Variants in TAF2 observed in about 807,000 individuals in gnomAD.
TAF2 encodes the protein TATA-box binding protein associated factor 2, also known as transcription initiation factor TFIID subunit 2.
A neutral mutation model predicts 138.5 loss-of-function variants in TAF2; 61 were observed. The ratio of observed to expected loss-of-function variants is 0.44; its 90% CI spans 0.36 to 0.54. TAF2 has a LOEUF of 0.54. Ranked by LOEUF, TAF2 falls within the 20% of genes least tolerant of loss-of-function variation. The pLI, the probability that TAF2 is intolerant of heterozygous loss-of-function variation, is 0.00. For synonymous variants in TAF2, 475 were observed against 469.9 expected, an observed-to-expected ratio of 1.01 and a Z score of -0.14; for missense variants, 1,090 against 1,427.9, an observed-to-expected ratio of 0.76 and a Z score of 3.81.
chr8:119,747,687 T>C (rs947000324), intron 22 of TAF2, among the ~76,000 whole-genome samples: 25 of 152,218 alleles, frequency 1.6e-4, no homozygotes, highest in Non-Finnish European at 2.6e-4. Context: ...CCAGTAGATA[T>C]TGTCATCAAA....
chr8:119,821,726 T>G (rs1435786995), intron 2 of TAF2, among the ~76,000 whole-genome samples: 8 of 152,264 alleles, frequency 5.3e-5, no homozygotes, highest in Non-Finnish European at 1.2e-4. Context: ...ATGACATTAT[T>G]GGCCTATTAG....
At chr8:119,777,004 G>A (rs1822294278) in intron 18 of TAF2, among the ~76,000 whole-genome samples, 1 of 151,954 alleles carries the variant, frequency 6.6e-6, no homozygotes, top group Admixed American at 6.6e-5. Context: ...GGAAGGTTGT[G>A]TCTGTACTGA....
Position 119,806,339 on chromosome 8 carries a change from G to A in TAF2, c.362C>T (p.Ala121Val). ...AAAVSAVDPDAGNGELCIKVP... is the reference protein window; with the variant it reads ...AAAVSAVDPDVGNGELCIKVP... ...CTTAATGCAAAGTTCTCCATTTCCTGCATCAGGGTCCACAGCACTAACTGC... is the reference window on the plus strand; with the variant it reads ...CTTAATGCAAAGTTCTCCATTTCCTACATCAGGGTCCACAGCACTAACTGC... The change falls in exon 4 of 26, where the codon GCA (alanine) becomes GTA (valine). Residue 121 changes from alanine to valine, a missense_variant. Coordinates refer to ENST00000378164, the MANE Select transcript of TAF2 (RefSeq NM_003184.4). 1 of 1,613,910 alleles carries A rather than the reference G, an allele frequency of 6.2e-7. No individual in the cohort carries two copies. The highest frequency in any genetic ancestry group is 8.5e-7 in the Non-Finnish European group (1 of 1,180,002).
In TAF2 at chr8:119,756,117, T is replaced by TG; in HGVS notation, c.2769-3dup. On this transcript the variant is annotated splice_region_variant and splice_polypyrimidine_tract_variant and intron_variant, in intron 21 of 25. Transcript: ENST00000378164. ...GTCAACATGTTGAGAATCTTATGCCTGAAAGATTAAAAAAAATTAAATTTT... is the reference window on the plus strand; with the variant it reads ...GTCAACATGTTGAGAATCTTATGCCTGGAAAGATTAAAAAAAATTAAATTTT... The TG allele has an allele frequency of 6.2e-7, 1 of 1,610,830 alleles. No individual in the cohort carries two copies. The highest frequency in any genetic ancestry group is 8.5e-7 in the Non-Finnish European group (1 of 1,177,452).
chr8:119,737,219 G>A (rs1345550563), intron 25 of TAF2, among the ~76,000 whole-genome samples: 1 of 152,154 alleles, frequency 6.6e-6, no homozygotes, highest in African/African-American at 2.4e-5. Flanking sequence ...ACAGTGACTG[G>A]ATATTTAATG....
rs773883804 is a variant in TAF2, at chr8:119,758,056, A to T, written c.2768+17T>A. ...AGGACTTACAAAATATCATAGCATC[A>T]TAGCACATAAACTAACCTTACATAG... On this transcript the variant is annotated intron_variant, in intron 21 of 25. Coordinates refer to ENST00000378164, the MANE Select transcript of TAF2 (RefSeq NM_003184.4). The T allele has an allele frequency of 6.2e-7, 1 of 1,605,694 alleles. No homozygotes were observed. The highest frequency in any genetic ancestry group is 1.3e-5 in the African/African-American group (1 of 74,806).
At position 119,732,046 on chromosome 8, in the gene TAF2, T is replaced by G. The variant is rs755785500; in HGVS notation, c.3478A>C (p.Lys1160Gln). The change falls in exon 26 of 26, where the codon AAG (lysine) becomes CAG (glutamine). Residue 1160 changes from lysine to glutamine, a missense_variant. Physicochemically the swap from Lys to Gln is moderately conservative, Grantham distance 53. Around this residue, in one of 3 missense-constraint regions of TAF2, gnomAD observed 580 missense variants for 719.6 expected, o/e 0.81. Coordinates refer to ENST00000378164, the MANE Select transcript of TAF2 (RefSeq NM_003184.4). Reference protein sequence around the residue: ...HHHEHKKKKKKHKHKHKHKHK... With the variant: ...HHHEHKKKKKQHKHKHKHKHK... ...TTGTGTTTGTGCTTATGTTTATGCT[T>G]CTTCTTCTTTTTCTTGTGCTCATGG... 2.2e-5 allele frequency: 36 copies of G among 1,613,942 alleles called. No individual in the cohort carries two copies. Among genetic ancestry groups the G allele is most frequent in the Middle Eastern group, 1.6e-4 (1 of 6,082 alleles).
chr8:119,733,368 G>T (rs1270513236), intron 25 of TAF2, among the ~76,000 whole-genome samples: 1 of 152,060 alleles, frequency 6.6e-6, no homozygotes, highest in Non-Finnish European at 1.5e-5. Flanking sequence ...TCTCTACACA[G>T]ATGAGAGTAG....
At chr8:119,812,211 G>A (rs1387017433) in intron 3 of TAF2, among the ~76,000 whole-genome samples, 3 of 152,134 alleles carry the variant, frequency 2.0e-5, no homozygotes, top group African/African-American at 7.2e-5. Context: ...TAGGGTGTGA[G>A]TTATAGCATC....
intron 17 of TAF2, among the ~76,000 whole-genome samples, chr8:119,779,256 A>ACACACACG (rs1822474695): frequency 6.6e-6 from 1 of 150,806 alleles, no homozygotes; most frequent in South Asian, 2.1e-4. Context: ...TAAGACACAC[A>ACACACACG]CACACACACA....
intron 3 of TAF2, among the ~76,000 whole-genome samples, chr8:119,813,219 T>A (rs1200828560): frequency 6.6e-6 from 1 of 152,268 alleles, no homozygotes; most frequent in Non-Finnish European, 1.5e-5. Flanking sequence ...AATTTCTTTA[T>A]ATGTGTTGAC....
At chr8:119,785,676 A>T (rs920910383) in intron 14 of TAF2, among the ~76,000 whole-genome samples, 1 of 152,226 alleles carries the variant, frequency 6.6e-6, no homozygotes, top group Non-Finnish European at 1.5e-5. Context: ...GTTCTGTCCT[A>T]TATGAATTAG....
intron 18 of TAF2, among the ~76,000 whole-genome samples, chr8:119,776,646 G>A (rs1389259565): frequency 1.3e-5 from 2 of 151,806 alleles, no homozygotes; most frequent in Middle Eastern, 3.2e-3. Flanking sequence ...CCGAGATCGC[G>A]CCACTGCACT....
Position 119,831,426 on chromosome 8 carries a change from T to C in TAF2, c.138+251A>G, listed in dbSNP as rs114048718. Among the ~76,000 whole-genome samples the C allele has an allele frequency of 6.6e-3, 1,005 of 151,994 alleles. 14 individuals carry two copies. Among genetic ancestry groups the C allele is most frequent in the African/African-American group, 0.022 (928 of 41,430 alleles). ...CTTGGCTATACAGGCTTTCATATTA[T>C]ACACCAGATAAAGAGGAATAAAATT... On this transcript the variant is annotated intron_variant, in intron 2 of 25. Transcript: ENST00000378164.
chr8:119,808,667 T>C (rs1586501665), intron 3 of TAF2, among the ~76,000 whole-genome samples: 1 of 152,344 alleles, frequency 6.6e-6, no homozygotes, highest in Non-Finnish European at 1.5e-5. Flanking sequence ...GAAATTACTC[T>C]TTAATCCATA....
chr8:119,782,104 AT>A (rs1822704914), intron 16 of TAF2, among the ~76,000 whole-genome samples: 1 of 152,230 alleles, frequency 6.6e-6, no homozygotes, highest in Admixed American at 6.5e-5. Flanking sequence ...GTCTGTCTTT[AT>A]TCGTTTAGAC....
chr8:119,831,803 C>T (rs1478997175), intron 1 of TAF2, 72 bp from the exon 2 acceptor site: 11 of 1,049,748 alleles, frequency 1.0e-5, no homozygotes, highest in Non-Finnish European at 1.5e-5. Flanking sequence ...ATAATTCTAT[C>T]CAAGTATAAA....
chr8:119,831,577 T>A, intron 2 of TAF2, 100 bp downstream of exon 2: 3 of 831,342 alleles, frequency 3.6e-6, no homozygotes, highest in Non-Finnish European at 5.8e-6. Context: ...TGAAACACAA[T>A]TATCTGGAAG....
At chr8:119,769,656 A>C (rs925173602) in intron 18 of TAF2, among the ~76,000 whole-genome samples, 2 of 151,982 alleles carry the variant, frequency 1.3e-5, no homozygotes, top group African/African-American at 2.4e-5. Flanking sequence ...AATTCACTTA[A>C]AGCACTTCAA....
Sources: gnomAD v4.1 joint callset for allele counts (sites outside exome capture counted in the v4.1 genomes callset) on GRCh38, gnomAD v4.1.1 for gene constraint, gnomAD v4.1.1 regional missense constraint, MANE v1.5 for transcripts, NCBI Gene and HGNC (gene_info 2026-07-23, HGNC 2026-07-21) for gene names.